Variants in NALCN observed in about 807,000 individuals in gnomAD.
NALCN encodes sodium leak channel NALCN.
In NALCN, 111 loss-of-function variants were observed where a neutral mutation model predicts 225.3. The ratio of observed to expected loss-of-function variants is 0.49; its 90% CI spans 0.42 to 0.58. The LOEUF (loss-of-function observed/expected upper bound fraction) is 0.58, where lower values mean the gene tolerates loss of function less well. Among genes scored for constraint, NALCN ranks in the 20% least tolerant of loss-of-function variants. The pLI is 0.00. For missense variants in NALCN, 1,378 were observed against 2,202.4 expected (o/e 0.63, Z 7.49); for synonymous variants, 764 against 769.0 (o/e 0.99, Z 0.11).
At chr13:101,105,864 C>T (rs1008237613) in intron 22 of NALCN, among the ~76,000 whole-genome samples, 1 of 152,162 alleles carries the variant, frequency 6.6e-6, no homozygotes, top group Non-Finnish European at 1.5e-5. Flanking sequence ...ATGTCCTCCT[C>T]TGTTGAAGGA....
At chr13:101,385,876 T>C (rs532594159) in intron 3 of NALCN, among the ~76,000 whole-genome samples, 2 of 152,304 alleles carry the variant, frequency 1.3e-5, no homozygotes, top group African/African-American at 4.8e-5. Context: ...CATCTTCTAA[T>C]TGATGCTTCA....
chr13:101,148,559 G>A (rs1047326419), intron 15 of NALCN, among the ~76,000 whole-genome samples: 8 of 152,170 alleles, frequency 5.3e-5, no homozygotes, highest in African/African-American at 1.4e-4. Flanking sequence ...CCCCCTACTC[G>A]TACTGTCGTT....
intron 25 of NALCN, 95 bp from the exon 26 acceptor site, chr13:101,103,434 A>G (rs2034934240): frequency 2.1e-6 from 3 of 1,410,806 alleles, no homozygotes; most frequent in East Asian, 4.7e-5. Context: ...TTCATTTAGC[A>G]GAGATTCCAC....
chr13:101,401,474 A>G (rs1352763236), intron 1 of NALCN, among the ~76,000 whole-genome samples: 1 of 152,202 alleles, frequency 6.6e-6, no homozygotes, highest in Non-Finnish European at 1.5e-5. Context: ...CAAAGATTAT[A>G]TAAGGAATTT....
At chr13:101,191,392 C>T (rs2039673121) in intron 14 of NALCN, among the ~76,000 whole-genome samples, 1 of 152,158 alleles carries the variant, frequency 6.6e-6, no homozygotes, top group African/African-American at 2.4e-5. Context: ...TGTGCTTTTA[C>T]AATACTTGCA....
At chr13:101,095,334 A>G (rs1383726181) in intron 28 of NALCN, among the ~76,000 whole-genome samples, 1 of 152,232 alleles carries the variant, frequency 6.6e-6, no homozygotes, top group Non-Finnish European at 1.5e-5. Context: ...TTAGAAAAAT[A>G]CTGAGATAAT....
intron 7 of NALCN, among the ~76,000 whole-genome samples, chr13:101,297,704 C>T (rs2043807478): frequency 6.6e-6 from 1 of 152,202 alleles, no homozygotes; most frequent in Admixed American, 6.5e-5. Flanking sequence ...GGTCATCCTG[C>T]TACAGGTGCT....
rs1375442715 is a variant in NALCN at position 101,243,581 on chromosome 13, C to T, written c.1267-5659G>A. Among the ~76,000 whole-genome samples, 2 of 105,390 alleles carry T rather than the reference C, an allele frequency of 1.9e-5. 1 individual carries two copies. Among genetic ancestry groups the T allele is most frequent in the Non-Finnish European group, 4.2e-5 (2 of 47,242 alleles). The allele number at this position is 105,390 out of a possible 152,430, so 69.1% of individuals were successfully genotyped here. A position where few individuals can be genotyped will look rare whatever the true frequency, so the allele number is the denominator to read the frequency against. On this transcript the variant is annotated intron_variant, in intron 11 of 43. Coordinates refer to ENST00000251127, the MANE Select transcript of NALCN (RefSeq NM_052867.4). The stretch of plus-strand genomic sequence containing the variant: ...ATGTAATTGTCGTTTGTCTTTTATG[C>T]TATCTTAAGCAGTGGCAAATGAGGG...
intron 35 of NALCN, 109 bp from the exon 36 acceptor site, chr13:101,074,771 C>A: frequency 7.7e-7 from 1 of 1,300,074 alleles, no homozygotes; most frequent in Non-Finnish European, 1.0e-6. Flanking sequence ...CTATGGAAGA[C>A]CTGGGTAGCA....
intron 6 of NALCN, among the ~76,000 whole-genome samples, chr13:101,349,481 A>T (rs2045842676): frequency 6.6e-6 from 1 of 152,182 alleles, no homozygotes; most frequent in African/African-American, 2.4e-5. Flanking sequence ...TTGGGAGATG[A>T]TCCTGAATTA....
intron 7 of NALCN, among the ~76,000 whole-genome samples, chr13:101,337,688 T>C (rs1194577510): frequency 6.6e-6 from 1 of 152,208 alleles, no homozygotes; most frequent in Non-Finnish European, 1.5e-5. Context: ...TATGCCACTA[T>C]GGCAGGTCAC....
rs545136293 is a variant in NALCN at position 101,415,194 on chromosome 13, A to T, written c.-40+1119T>A. On this transcript the variant is annotated intron_variant, in intron 1 of 43. Transcript: ENST00000251127. Reference sequence around the variant, plus strand: ...TCAAATCACAGTTGTAGTTATGAACATACAAATCACACACATATATATATA... The same window carrying T: ...TCAAATCACAGTTGTAGTTATGAACTTACAAATCACACACATATATATATA... 5.9e-3 allele frequency among the ~76,000 whole-genome samples: 417 copies of T among 71,228 alleles called. 2 individuals carry two copies. The highest frequency in any genetic ancestry group is 0.011 in the Admixed American group (91 of 8,068). The allele number at this position is 71,228 out of a possible 152,430, so 46.7% of individuals were successfully genotyped here.
intron 43 of NALCN, among the ~76,000 whole-genome samples, chr13:101,056,424 G>C (rs1408407641): frequency 6.6e-6 from 1 of 151,608 alleles, no homozygotes; most frequent in South Asian, 2.1e-4. Context: ...CTACCGGTCA[G>C]CTAATTTTTG....
chr13:101,207,884 G>A (rs945195620), intron 13 of NALCN, among the ~76,000 whole-genome samples: 23 of 152,286 alleles, frequency 1.5e-4, no homozygotes, highest in African/African-American at 4.6e-4. Context: ...CTTTGGGTCC[G>A]CACTGTCTTT....
chr13:101,211,650 CTATA>C (rs5806203), intron 13 of NALCN, among the ~76,000 whole-genome samples: 5,174 of 145,606 alleles, frequency 0.036, 289 homozygotes, highest in African/African-American at 0.12. Flanking sequence ...TGACAATAAA[CTATA>C]TATATATATA....
chr13:101,068,066 C>T (rs757177155), intron 38 of NALCN, 33 bp from the exon 39 acceptor site: 2 of 1,260,362 alleles, frequency 1.6e-6, no homozygotes, highest in South Asian at 1.3e-5. Flanking sequence ...GAAGTTAGAC[C>T]ATTATGCTAA....
intron 13 of NALCN, among the ~76,000 whole-genome samples, chr13:101,217,494 C>A (rs760658649): frequency 6.6e-6 from 1 of 152,110 alleles, no homozygotes; most frequent in Non-Finnish European, 1.5e-5. Flanking sequence ...ATATAGCATT[C>A]TTTGTTTTTC....
intron 7 of NALCN, among the ~76,000 whole-genome samples, chr13:101,341,313 A>G (rs562383414): frequency 2.6e-5 from 4 of 152,344 alleles, no homozygotes; most frequent in African/African-American, 9.6e-5. Flanking sequence ...AGCTTGACCC[A>G]TTCTTTCCCT....
At chr13:101,175,450 T>C (rs1330230212) in intron 15 of NALCN, among the ~76,000 whole-genome samples, 1 of 152,198 alleles carries the variant, frequency 6.6e-6, no homozygotes, top group Non-Finnish European at 1.5e-5. Context: ...CTGCTTATAA[T>C]TCCAAATGGA....
Sources: allele counts gnomAD v4.1 joint callset (sites outside exome capture counted in the v4.1 genomes callset), GRCh38; gene constraint gnomAD v4.1.1; transcripts MANE v1.5; gene names NCBI Gene and HGNC (gene_info 2026-07-23, HGNC 2026-07-21).